The following FANCM variants were observed in gnomAD, a reference collection of about 807,000 sequenced individuals.
FANCM encodes Fanconi anemia group M protein.
FANCM carries 140 observed loss-of-function variants against 199.5 expected under a neutral mutation model. The observed-to-expected ratio is 0.70, with a 90% CI of 0.61 to 0.81. The LOEUF (loss-of-function observed/expected upper bound fraction) is 0.81, where lower values mean the gene tolerates loss of function less well. FANCM is among the 30% of genes least tolerant of loss of function. The pLI, the probability that FANCM is intolerant of heterozygous loss-of-function variation, is 0.00. For synonymous variants in FANCM, 840 were observed against 836.8 expected, an observed-to-expected ratio of 1.00 and a Z score of -0.07; for missense variants, 2,410 against 2,421.4, an observed-to-expected ratio of 1.00 and a Z score of 0.10.
At chr14:45,170,971 AT>A (rs1888304366) in intron 12 of FANCM, among the ~76,000 whole-genome samples, 1 of 152,148 alleles carries the variant, frequency 6.6e-6, no homozygotes, top group African/African-American at 2.4e-5. Flanking sequence ...TATTGTATAT[AT>A]GTATTTAACC....
chr14:45,173,249 G>C (rs745584524), intron 13 of FANCM, 39 bp downstream of exon 13: 6 of 1,559,766 alleles, frequency 3.8e-6, no homozygotes, highest in Non-Finnish European at 3.5e-6. Context: ...TGGTATGATA[G>C]TAAAACTAGA....
intron 4 of FANCM, among the ~76,000 whole-genome samples, chr14:45,151,040 T>G (rs577291602): frequency 6.6e-6 from 1 of 152,342 alleles, no homozygotes; most frequent in East Asian, 1.9e-4. Flanking sequence ...GCCAAACTGG[T>G]CTAGATACTG....
Position 45,159,232 on chromosome 14 carries a change from T to A in FANCM, c.1533T>A (p.His511Gln), listed in dbSNP as rs1887408716. Residue 511 changes from histidine (H) to glutamine (Q), a missense_variant, in exon 9 of 23, where the codon CAT becomes CAA. Coordinates refer to ENST00000267430, the MANE Select transcript of FANCM (RefSeq NM_020937.4). ...TTAGAGTAATGACTTTTGTCGGCCA[T>A]GCCTCAGGGAAAAGCACGAAGGGTT... is the stretch of plus-strand genomic sequence containing the variant. ...PIIRVMTFVG[H>Q]ASGKSTKGFT... 1 of 1,613,946 alleles carries A rather than the reference T, an allele frequency of 6.2e-7. No homozygotes were observed. Among genetic ancestry groups the A allele is most frequent in the Non-Finnish European group, 8.5e-7 (1 of 1,179,892 alleles).
chr14:45,176,588 A>G lies in FANCM; in HGVS notation c.3834A>G (p.Gln1278=), dbSNP rs781187908. 2.5e-6 allele frequency: 4 copies of G among 1,605,644 alleles called. No individual in the cohort carries two copies. The highest frequency in any genetic ancestry group is 2.2e-5 in the South Asian group (2 of 89,724). Residue 1278 remains glutamine, a synonymous_variant, in exon 14 of 23, where the codon CAA becomes CAG. Coordinates refer to ENST00000267430, the MANE Select transcript of FANCM (RefSeq NM_020937.4). ...GTGATGCAAATTATGTTTCGAATCAAGCACTAATACCAAGAGATCATAGTA... is the reference window on the plus strand; with the variant it reads ...GTGATGCAAATTATGTTTCGAATCAGGCACTAATACCAAGAGATCATAGTA... ...EISDANYVSN[Q]ALIPRDHSKN...
At chr14:45,148,800 A>G (rs1249592671) in intron 3 of FANCM, 37 bp from the exon 4 acceptor site, 1 of 1,489,766 alleles carries the variant, frequency 6.7e-7, no homozygotes, top group Non-Finnish European at 9.3e-7. Context: ...AAATTTTAAC[A>G]TGTAGTTTAT....
At chr14:45,154,960 T>C in intron 7 of FANCM, 138 bp downstream of exon 7, 1 of 618,280 alleles carries the variant, frequency 1.6e-6, no homozygotes, top group East Asian at 3.0e-5. Flanking sequence ...TGTAAATATT[T>C]CATTTTTTAA....
chr14:45,138,143 G>A (rs1885656062), intron 2 of FANCM, among the ~76,000 whole-genome samples: 1 of 152,148 alleles, frequency 6.6e-6, no homozygotes, highest in Admixed American at 6.5e-5. Context: ...CTTGATAGAA[G>A]TATGGATCTT....
At position 45,181,642 on chromosome 14, in the gene FANCM, GA is replaced by G; in HGVS notation, c.4328del (p.Asn1443IlefsTer18). 6.2e-7 allele frequency: 1 copy of G among 1,611,018 alleles called. No individual in the cohort carries two copies. Among genetic ancestry groups the G allele is most frequent in the South Asian group, 1.1e-5 (1 of 90,952 alleles). ...ACTTTATTTACTTACTTTAGGATCA[GA>G]AAAATAGTGAAGTTGATTCTCCACT... ...GNVLNSPEDQ[K>X]NSEVDSPLHA... On this transcript the variant is annotated frameshift_variant, in exon 16 of 23. Transcript: ENST00000267430. LOFTEE classifies it high-confidence loss of function.
At chr14:45,147,430 G>A (rs1886483051) in intron 3 of FANCM, among the ~76,000 whole-genome samples, 1 of 151,914 alleles carries the variant, frequency 6.6e-6, no homozygotes, top group Non-Finnish European at 1.5e-5. Context: ...TTCAGCAGGT[G>A]CTTGCCACTT....
At chr14:45,151,730 G>T (rs1886831546) in intron 5 of FANCM, among the ~76,000 whole-genome samples, 1 of 152,012 alleles carries the variant, frequency 6.6e-6, no homozygotes, top group Non-Finnish European at 1.5e-5. Flanking sequence ...TTCAGGACCA[G>T]CCTGGGCAAC....
Position 45,151,414 on chromosome 14 carries a change from T to C in FANCM, c.936T>C (p.Ala312=). 10 of 1,613,844 alleles carry C rather than the reference T, an allele frequency of 6.2e-6. No homozygotes were observed. The highest frequency in any genetic ancestry group is 8.5e-6 in the Non-Finnish European group (10 of 1,179,860). ...KTYIQILESF[A]RSLIQRNVLM... The stretch of plus-strand genomic sequence containing the variant: ...ATTTGCAGATTTTGGAATCATTTGC[T>C]CGTTCTTTGATTCAGAGGAATGTTT... Residue 312 remains alanine (A), a synonymous_variant, in exon 5 of 23, where the codon GCT becomes GCC. Transcript: ENST00000267430.
chr14:45,143,844 C>G (rs986033056), intron 3 of FANCM, among the ~76,000 whole-genome samples: 1 of 151,748 alleles, frequency 6.6e-6, no homozygotes. Context: ...CAGGTGCCCA[C>G]CACCATGCTC....
Position 45,170,705 on chromosome 14 carries a change from C to T in FANCM, c.2119C>T (p.Gln707Ter). The part of the protein sequence containing the change: ...SDEIKEITLP[Q>*]VQFSSLQNEE... ...TGAAATTAAAGAGATAACATTGCCT[C>T]AAGTTCAGTTTTCTTCTTTACAAAA... The change falls in exon 12 of 23, where the codon CAA becomes TAA. Residue 707 changes from glutamine to a stop codon, truncating the protein, a stop_gained. Transcript: ENST00000267430. LOFTEE classifies it high-confidence loss of function. The T allele has an allele frequency of 6.2e-7, 1 of 1,611,512 alleles. No homozygotes were observed. Among genetic ancestry groups the T allele is most frequent in the Non-Finnish European group, 8.5e-7 (1 of 1,177,814 alleles).
chr14:45,150,631 T>A (rs1025769246), intron 4 of FANCM, among the ~76,000 whole-genome samples: 2 of 152,214 alleles, frequency 1.3e-5, no homozygotes, highest in Non-Finnish European at 2.9e-5. Flanking sequence ...ATGGTAGACA[T>A]ACCTTATCAT....
At chr14:45,173,938 T>C (rs1161605315) in intron 13 of FANCM, among the ~76,000 whole-genome samples, 1 of 152,216 alleles carries the variant, frequency 6.6e-6, no homozygotes, top group African/African-American at 2.4e-5. Flanking sequence ...CAAATTAACA[T>C]ATATTTATTG....
chr14:45,198,496 CATT>C, intron 21 of FANCM, 145 bp from the exon 22 acceptor site: 1 of 516,766 alleles, frequency 1.9e-6, no homozygotes, highest in East Asian at 3.0e-5. Context: ...ATTTGAGAAA[CATT>C]AGTTGTAGGG....
intron 14 of FANCM, among the ~76,000 whole-genome samples, chr14:45,178,221 T>G (rs1304954551): frequency 1.3e-5 from 2 of 152,230 alleles, no homozygotes; most frequent in Non-Finnish European, 2.9e-5. Context: ...GAAATACATT[T>G]AATTTTCAAA....
Position 45,153,962 on chromosome 14 carries a change from A to C in FANCM, c.1093A>C (p.Ile365Leu). Reference protein sequence around the residue: ...GIIEGEFAICISLYHGYELLQ... With the variant: ...GIIEGEFAICLSLYHGYELLQ... ...AATCGAGGGAGAGTTTGCTATTTGT[A>C]TTAGTTTATATCATGGTTATGAATT... is the stretch of plus-strand genomic sequence containing the variant. Residue 365 changes from isoleucine to leucine, a missense_variant, in exon 6 of 23, where the codon ATT (isoleucine) becomes CTT (leucine). By Grantham distance (5) the Ile-to-Leu change is conservative. Transcript: ENST00000267430. 6.2e-7 allele frequency: 1 copy of C among 1,601,978 alleles called. No homozygotes were observed. Among genetic ancestry groups the C allele is most frequent in the South Asian group, 1.1e-5 (1 of 90,788 alleles).
chr14:45,170,721 CT>C lies in FANCM; in HGVS notation c.2138del (p.Leu713TyrfsTer47), dbSNP rs1594792135. ...ACATTGCCTCAAGTTCAGTTTTCTT[CT>C]TTACAAAATGAGGAAAACAAACCAG... ...EITLPQVQFS[S>X]LQNEENKPAQ... On this transcript the variant is annotated frameshift_variant, in exon 12 of 23. Transcript: ENST00000267430. LOFTEE classifies it high-confidence loss of function. The C allele has an allele frequency of 6.2e-7, 1 of 1,611,504 alleles. No individual in the cohort carries two copies. Among genetic ancestry groups the C allele is most frequent in the Non-Finnish European group, 8.5e-7 (1 of 1,177,972 alleles).
Sources: allele counts gnomAD v4.1 joint callset (sites outside exome capture counted in the v4.1 genomes callset), GRCh38; gene constraint gnomAD v4.1.1; transcripts MANE v1.5; gene names NCBI Gene and HGNC (gene_info 2026-07-23, HGNC 2026-07-21).